SH3KBP1: variants seen among roughly 807,000 people sequenced by gnomAD.
SH3KBP1 encodes SH3 domain-containing kinase-binding protein 1.
Under a neutral mutation model 50.1 loss-of-function variants are expected in SH3KBP1, and 8 were observed. The ratio of observed to expected loss-of-function variants is 0.16; its 90% CI spans 0.09 to 0.29. SH3KBP1 has a LOEUF of 0.29. Ranked by LOEUF, SH3KBP1 falls within the 10% of genes least tolerant of loss-of-function variation. The pLI is 1.00. For missense variants in SH3KBP1, 377 were observed against 535.2 expected (o/e 0.70, Z 2.92); for synonymous variants, 227 against 218.6 (o/e 1.04, Z -0.34).
intron 2 of SH3KBP1, among the ~76,000 whole-genome samples, chrX:19,812,710 C>T (rs1263926031): frequency 3.7e-5 from 4 of 108,101 alleles, no homozygotes; most frequent in African/African-American, 1.0e-4. Flanking sequence ...CATGGTGGCT[C>T]ATACCTGTAA....
chrX:19,733,034 G>A (rs759264712), intron 3 of SH3KBP1, among the ~76,000 whole-genome samples: 1 of 111,903 alleles, frequency 8.9e-6, no homozygotes, highest in Non-Finnish European at 1.9e-5. Flanking sequence ...TTCAGAAGGG[G>A]ATAGATGTTT....
intron 3 of SH3KBP1, among the ~76,000 whole-genome samples, chrX:19,744,070 T>C (rs976273409): frequency 8.9e-6 from 1 of 111,825 alleles, no homozygotes; most frequent in African/African-American, 3.3e-5. Context: ...CCTTCCCTAA[T>C]AGCCACAACA....
chrX:19,661,627 G>GTTTT (rs1469425458), intron 6 of SH3KBP1, among the ~76,000 whole-genome samples: 2 of 75,051 alleles, frequency 2.7e-5, no homozygotes, highest in African/African-American at 4.9e-5. Context: ...AATAAAGGTT[G>GTTTT]TTTTTTTTTT....
chrX:19,795,251 AT>A (rs971583557), intron 2 of SH3KBP1, among the ~76,000 whole-genome samples: 1 of 112,030 alleles, frequency 8.9e-6, no homozygotes, highest in African/African-American at 3.3e-5. Context: ...TTTGCCAAGA[AT>A]TAAGCATTTT....
intron 13 of SH3KBP1, among the ~76,000 whole-genome samples, chrX:19,559,210 T>C (rs1421996359): frequency 1.3e-5 from 1 of 77,034 alleles, no homozygotes; most frequent in Non-Finnish European, 2.3e-5. Context: ...AGGTGGAGGT[T>C]GCAGTGAGCT....
intron 5 of SH3KBP1, among the ~76,000 whole-genome samples, chrX:19,692,837 C>T (rs1603027076): frequency 9.3e-6 from 1 of 107,879 alleles, no homozygotes; most frequent in Non-Finnish European, 1.9e-5. Context: ...TATGTGCCAG[C>T]ACGCCCAGCT....
At chrX:19,776,560 T>TAG (rs1556364141) in intron 2 of SH3KBP1, among the ~76,000 whole-genome samples, 2 of 64,363 alleles carry the variant, frequency 3.1e-5, no homozygotes, top group Non-Finnish European at 5.8e-5. Context: ...TTTTTTTTTT[T>TAG]AGAGAGAGAC....
At chrX:19,719,653 G>A (rs956547206) in intron 3 of SH3KBP1, among the ~76,000 whole-genome samples, 2 of 110,032 alleles carry the variant, frequency 1.8e-5, no homozygotes, top group African/African-American at 3.3e-5. Flanking sequence ...GTGAAAGGGT[G>A]CAGGGGCTCT....
intron 1 of SH3KBP1, among the ~76,000 whole-genome samples, chrX:19,877,266 A>G (rs373633699): frequency 8.9e-6 from 1 of 112,222 alleles, no homozygotes; most frequent in East Asian, 2.8e-4. Flanking sequence ...AACAGGAGAA[A>G]GGCAAAGTTC....
At chrX:19,629,943 C>T (rs985870197) in intron 8 of SH3KBP1, among the ~76,000 whole-genome samples, 1 of 111,827 alleles carries the variant, frequency 8.9e-6, no homozygotes, top group Non-Finnish European at 1.9e-5. Flanking sequence ...TGGATGGGAC[C>T]GATAGATACT....
intron 12 of SH3KBP1, among the ~76,000 whole-genome samples, chrX:19,579,237 T>C (rs981066444): frequency 1.8e-5 from 2 of 112,103 alleles, no homozygotes; most frequent in East Asian, 2.8e-4. Context: ...TCTGCAAATA[T>C]ATCTGGAAGC....
intron 3 of SH3KBP1, among the ~76,000 whole-genome samples, chrX:19,722,846 A>T (rs1371641096): frequency 9.1e-6 from 1 of 109,450 alleles, no homozygotes; most frequent in African/African-American, 3.3e-5. Flanking sequence ...TCTAAAAAAA[A>T]TGTCTCAACC....
chrX:19,750,702 T>C (rs1379920097), intron 2 of SH3KBP1, among the ~76,000 whole-genome samples: 1 of 111,467 alleles, frequency 9.0e-6, no homozygotes, highest in Non-Finnish European at 1.9e-5. Context: ...CATGGATTCC[T>C]ATCCACAGGC....
chrX:19,733,341 A>C (rs779989578), intron 3 of SH3KBP1, among the ~76,000 whole-genome samples: 69 of 110,473 alleles, frequency 6.2e-4, no homozygotes, highest in African/African-American at 2.2e-3. Flanking sequence ...TTATAAAGCC[A>C]TAATAGTTAA....
chrX:19,879,254 AAAAT>A (rs2069360925), intron 1 of SH3KBP1, among the ~76,000 whole-genome samples: 1 of 112,081 alleles, frequency 8.9e-6, no homozygotes, highest in Non-Finnish European at 1.9e-5. Context: ...CAAAAAATAA[AAAAT>A]AAAAAACTTA....
At chrX:19,862,676 T>A (rs1487883645) in intron 1 of SH3KBP1, among the ~76,000 whole-genome samples, 6 of 107,429 alleles carry the variant, frequency 5.6e-5, no homozygotes, top group Admixed American at 9.9e-5. Flanking sequence ...AAAAAAAAAA[T>A]TTAAATCCAT....
chrX:19,764,983 G>GTTT (rs1194840432), intron 2 of SH3KBP1, among the ~76,000 whole-genome samples: 2 of 71,357 alleles, frequency 2.8e-5, no homozygotes, highest in African/African-American at 1.2e-4. Flanking sequence ...AATTTTTGCA[G>GTTT]TTCTTTTTTT....
At chrX:19,662,703 C>A (rs758941717) in intron 6 of SH3KBP1, among the ~76,000 whole-genome samples, 12 of 111,329 alleles carry the variant, frequency 1.1e-4, no homozygotes, top group African/African-American at 3.9e-4. Context: ...TTCAGTATAT[C>A]ATAATTTTAA....
chrX:19,820,651 T>A (rs764120038), intron 2 of SH3KBP1, among the ~76,000 whole-genome samples: 10 of 111,581 alleles, frequency 9.0e-5, no homozygotes, highest in African/African-American at 2.3e-4. Flanking sequence ...TTTTTTTTTT[T>A]ATCTATCATC....
Sources: allele counts gnomAD v4.1 joint callset (sites outside exome capture counted in the v4.1 genomes callset), GRCh38; gene constraint gnomAD v4.1.1; transcripts MANE v1.5; gene names NCBI Gene and HGNC (gene_info 2026-07-23, HGNC 2026-07-21).